ST18: variants seen among roughly 807,000 people sequenced by gnomAD.
The protein encoded by ST18 is ST18 C2H2C-type zinc finger transcription factor.
Under a neutral mutation model 110.0 loss-of-function variants are expected in ST18, and 50 were observed. The ratio of observed to expected loss-of-function variants is 0.45; its 90% CI spans 0.36 to 0.58. The LOEUF is 0.58. Ranked by LOEUF, ST18 falls within the 20% of genes least tolerant of loss-of-function variation. The pLI is 0.00. For missense variants in ST18, 1,306 were observed against 1,280.1 expected (o/e 1.02, Z -0.31); for synonymous variants, 461 against 452.4 (o/e 1.02, Z -0.24).
intron 2 of ST18, among the ~76,000 whole-genome samples, chr8:52,388,830 G>GGGGAGGA (rs1838018053): frequency 8.5e-6 from 1 of 117,784 alleles, no homozygotes; most frequent in East Asian, 2.7e-4. Flanking sequence ...TGGGGGGAGG[G>GGGGAGGA]GGGAGGGATA....
chr8:52,223,299 T>C (rs2136468810), intron 3 of ST18, among the ~76,000 whole-genome samples: 1 of 152,370 alleles, frequency 6.6e-6, no homozygotes, highest in Admixed American at 6.5e-5. Context: ...CCTAAACTGA[T>C]AATGATATAC....
At chr8:52,335,175 C>G (rs1354574454) in intron 2 of ST18, among the ~76,000 whole-genome samples, 1 of 151,994 alleles carries the variant, frequency 6.6e-6, no homozygotes, top group Admixed American at 6.6e-5. Context: ...TAAAATGAAC[C>G]CTAAACTTAA....
chr8:52,377,022 T>C (rs567252627), intron 2 of ST18, among the ~76,000 whole-genome samples: 4 of 152,178 alleles, frequency 2.6e-5, no homozygotes, highest in African/African-American at 4.8e-5. Context: ...TGCCCTCTTA[T>C]GACAATACAT....
In ST18 at chr8:52,180,298, C is replaced by G. The variant is rs766187151; in HGVS notation, c.101G>C (p.Cys34Ser). 3.1e-6 allele frequency: 5 copies of G among 1,613,998 alleles called. No homozygotes were observed. The East Asian group carries it at 1.1e-4, about 36-fold the overall frequency. Residue 34 changes from cysteine to serine, a missense_variant, in exon 9 of 26, where the codon TGC becomes TCC. Transcript: ENST00000689386. Reference sequence around the variant, plus strand: ...AGCTGTTCTCTTCTTTGCCATGGAGCAATCATAGGCAACACTGTAGTGATT... The same window carrying G: ...AGCTGTTCTCTTCTTTGCCATGGAGGAATCATAGGCAACACTGTAGTGATT... ...LIQELSVAYD[C>S]SMAKKRTAED...
intron 8 of ST18, among the ~76,000 whole-genome samples, chr8:52,182,337 T>C (rs1454737688): frequency 6.6e-6 from 1 of 152,184 alleles, no homozygotes; most frequent in Non-Finnish European, 1.5e-5. Context: ...GTTTTCTATG[T>C]TCATTGAATT....
chr8:52,170,406 G>A (rs1287576343), intron 10 of ST18, among the ~76,000 whole-genome samples: 6 of 150,960 alleles, frequency 4.0e-5, no homozygotes, highest in Non-Finnish European at 7.4e-5. Flanking sequence ...GAGCCGACAC[G>A]GCGCCACTGC....
chr8:52,277,022 C>T (rs2095282866), intron 2 of ST18, among the ~76,000 whole-genome samples: 1 of 152,174 alleles, frequency 6.6e-6, no homozygotes. Context: ...CCACCTTGGC[C>T]TCCCAAAGTG....
At chr8:52,253,891 A>G (rs2094433069) in intron 2 of ST18, among the ~76,000 whole-genome samples, 1 of 152,188 alleles carries the variant, frequency 6.6e-6, no homozygotes, top group South Asian at 2.1e-4. Context: ...ATGTAATTGC[A>G]CCATGACATT....
At chr8:52,161,210 CTTA>C (rs1236680809) in intron 14 of ST18, among the ~76,000 whole-genome samples, 162 bp downstream of exon 14, 1 of 152,054 alleles carries the variant, frequency 6.6e-6, no homozygotes, top group East Asian at 1.9e-4. Flanking sequence ...CATTGATCAA[CTTA>C]TTATCGTTTT....
At position 52,223,128 on chromosome 8, in the gene ST18, A is replaced by G. The variant is rs139271915; in HGVS notation, c.-418-1335T>C. Among the ~76,000 whole-genome samples the G allele has an allele frequency of 2.9e-3, 435 of 152,334 alleles. 2 individuals carry two copies. The highest frequency in any genetic ancestry group is 9.7e-3 in the African/African-American group (405 of 41,576). Reference sequence around the variant, plus strand: ...CGTTTGTCCACTTTACTATCTGCCAATAATTAGGGACTCTCAGTCCTTTAT... The same window carrying G: ...CGTTTGTCCACTTTACTATCTGCCAGTAATTAGGGACTCTCAGTCCTTTAT... On this transcript the variant is annotated intron_variant, in intron 3 of 25. Transcript: ENST00000689386.
intron 2 of ST18, among the ~76,000 whole-genome samples, chr8:52,283,287 T>A (rs2095416982): frequency 6.6e-6 from 1 of 152,052 alleles, no homozygotes; most frequent in Admixed American, 6.5e-5. Flanking sequence ...CTGTCAGACA[T>A]TGAAATGGAG....
In ST18 at chr8:52,250,261, C is replaced by T. The variant is rs535861416; in HGVS notation, c.-464-20184G>A. Among the ~76,000 whole-genome samples, 606 of 151,748 alleles carry T rather than the reference C, an allele frequency of 4.0e-3. 3 individuals are homozygous for T. The highest frequency in any genetic ancestry group is 0.028 in the Middle Eastern group (8 of 288). ...ACACTAATTTAATCTGGGAAAAGGA[C>T]AGGCTCTGCATCTCCCTTGAACAGA... On this transcript the variant is annotated intron_variant, in intron 2 of 25. Coordinates refer to ENST00000689386, the MANE Select transcript of ST18 (RefSeq NM_001352837.2).
chr8:52,388,970 A>AT (rs994366127), intron 2 of ST18, among the ~76,000 whole-genome samples: 22 of 72,582 alleles, frequency 3.0e-4, no homozygotes, highest in Admixed American at 6.6e-4. Context: ...TATAATAATA[A>AT]TTTAAAAAAA....
At chr8:52,223,081 A>G (rs2087600712) in intron 3 of ST18, among the ~76,000 whole-genome samples, 2 of 152,240 alleles carry the variant, frequency 1.3e-5, no homozygotes, top group African/African-American at 4.8e-5. Flanking sequence ...CGCTTGTTAA[A>G]TAAAGTCATC....
chr8:52,285,044 C>T (rs568548011), intron 2 of ST18, among the ~76,000 whole-genome samples: 2 of 152,124 alleles, frequency 1.3e-5, no homozygotes, highest in Non-Finnish European at 2.9e-5. Flanking sequence ...ATGGAGCATG[C>T]TAACTTATCA....
chr8:52,369,046 T>C (rs1427859516), intron 2 of ST18, among the ~76,000 whole-genome samples: 1 of 152,072 alleles, frequency 6.6e-6, no homozygotes, highest in African/African-American at 2.4e-5. Context: ...CAATCACGTT[T>C]GCTAAAAAAA....
intron 2 of ST18, among the ~76,000 whole-genome samples, chr8:52,379,321 C>T (rs1833641285): frequency 6.6e-6 from 1 of 151,728 alleles, no homozygotes; most frequent in Non-Finnish European, 1.5e-5. Context: ...TGGTCTCTAA[C>T]TCCTGACCTC....
chr8:52,358,181 A>G (rs1824050094), intron 2 of ST18, among the ~76,000 whole-genome samples: 1 of 152,060 alleles, frequency 6.6e-6, no homozygotes, highest in South Asian at 2.1e-4. Context: ...CAAAATGCCA[A>G]CATCTATGGG....
At chr8:52,327,033 G>C (rs572216481) in intron 2 of ST18, among the ~76,000 whole-genome samples, 1 of 152,310 alleles carries the variant, frequency 6.6e-6, no homozygotes, top group Non-Finnish European at 1.5e-5. Context: ...CTTCATTTAA[G>C]CTTGGTTTTG....
Sources: gnomAD v4.1 joint callset for allele counts (sites outside exome capture counted in the v4.1 genomes callset) on GRCh38, gnomAD v4.1.1 for gene constraint, MANE v1.5 for transcripts, NCBI Gene and HGNC (gene_info 2026-07-23, HGNC 2026-07-21) for gene names.